EXTL3: variants seen among roughly 807,000 people sequenced by gnomAD.
EXTL3 encodes the protein exostosin-like 3.
In EXTL3, 27 loss-of-function variants were observed where a neutral mutation model predicts 69.3. The ratio of observed to expected loss-of-function variants is 0.39; its 90% CI spans 0.29 to 0.54. The LOEUF (loss-of-function observed/expected upper bound fraction) is 0.54. Ranked by LOEUF, EXTL3 falls within the 20% of genes least tolerant of loss-of-function variation. The pLI is 0.69. For missense variants in EXTL3, 1,003 were observed against 1,231.8 expected (o/e 0.81, Z 2.78); for synonymous variants, 511 against 499.4 (o/e 1.02, Z -0.31).
chr8:28,617,724 G>A (rs1019795279), intron 2 of EXTL3, among the ~76,000 whole-genome samples: 9 of 152,206 alleles, frequency 5.9e-5, no homozygotes, highest in Non-Finnish European at 1.2e-4. Context: ...AATGGAGACT[G>A]CAGTGAGATA....
chr8:28,710,235 G>A (rs1196777445), intron 1 of EXTL3: 1 of 326,686 alleles, frequency 3.1e-6, no homozygotes, highest in Non-Finnish European at 6.0e-6. Context: ...AGGATTATCA[G>A]GAGGGAGGTG....
chr8:28,619,297 A>C (rs1312485784), upstream of EXTL3, among the ~76,000 whole-genome samples: 43 of 72,018 alleles, frequency 6.0e-4, no homozygotes, highest in Admixed American at 1.4e-3. Flanking sequence ...AAAAAAAAAA[A>C]AAAAAAAAAA....
At position 28,743,220 on chromosome 8, in the gene EXTL3, G is replaced by A. The variant is rs1182422178; in HGVS notation, c.2550+6G>A. ...CTCGGAAGCCCCCCATCAAGGTGAG[G>A]TCCCACCACTGGTGGGGCTGTGGAT... On this transcript the variant is annotated splice_donor_region_variant and intron_variant, in intron 6 of 6. Coordinates refer to ENST00000220562, the MANE Select transcript of EXTL3 (RefSeq NM_001440.4). 3 of 1,614,064 alleles carry A rather than the reference G, an allele frequency of 1.9e-6. No homozygotes were observed. The highest frequency in any genetic ancestry group is 2.7e-5 in the African/African-American group (2 of 74,920).
chr8:28,704,257 C>G (rs1044059826), intron 1 of EXTL3, among the ~76,000 whole-genome samples: 3 of 152,230 alleles, frequency 2.0e-5, no homozygotes, highest in African/African-American at 7.2e-5. Flanking sequence ...CATCAAAAGT[C>G]TAGAAGTGGA....
At chr8:28,710,044 GA>G (rs1222880979) in intron 1 of EXTL3, among the ~76,000 whole-genome samples, 8 of 152,212 alleles carry the variant, frequency 5.3e-5, no homozygotes, top group African/African-American at 1.7e-4. Flanking sequence ...TCTGATTAGG[GA>G]AAAGAGTAAA....
chr8:28,722,932 A>G lies in EXTL3; in HGVS notation c.2148+4725A>G, dbSNP rs1007186015. ...GGGGAGTTATTTTCATCCTCTCCCC[A>G]GTAGTCTATTAGGGAAAAGGGAAGA... On this transcript the variant is annotated intron_variant, in intron 3 of 6. Transcript: ENST00000220562. Among the ~76,000 whole-genome samples, 134 of 152,158 alleles carry G rather than the reference A, an allele frequency of 8.8e-4. 1 individual carries two copies. Among genetic ancestry groups the G allele is most frequent in the African/African-American group, 3.0e-3 (125 of 41,500 alleles).
chr8:28,716,522 C>G lies in EXTL3; in HGVS notation c.463C>G (p.Leu155Val), dbSNP rs1801151334. The G allele has an allele frequency of 4.3e-6, 7 of 1,613,984 alleles. No homozygotes were observed. The highest frequency in any genetic ancestry group is 5.9e-6 in the Non-Finnish European group (7 of 1,180,064). ...GGCCCAGAACCAGCCCAAGCTGTCC[C>G]TGCCCATCCGACTGCTCCCAGAGAA... is the stretch of plus-strand genomic sequence containing the variant. ...LMAQNQPKLSLPIRLLPEKDD... is the reference protein window; with the variant it reads ...LMAQNQPKLSVPIRLLPEKDD... The change falls in exon 3 of 7, where the codon CTG (leucine) becomes GTG (valine). Residue 155 changes from leucine to valine, a missense_variant. This residue lies in a region of EXTL3 where 742 missense variants were observed against 815.4 expected (regional missense o/e 0.91). Coordinates refer to ENST00000220562, the MANE Select transcript of EXTL3 (RefSeq NM_001440.4). This position sits in a 1 kb window ranked among gnomAD's most constrained non-coding sequence, Gnocchi z 7.1.
At chr8:28,731,191 T>C (rs1801530731) in intron 3 of EXTL3, 32 bp from the exon 4 acceptor site, 1 of 1,614,094 alleles carries the variant, frequency 6.2e-7, no homozygotes, top group East Asian at 2.2e-5. Context: ...AACACAGCCT[T>C]AATTTTTAAT....
intron 1 of EXTL3, among the ~76,000 whole-genome samples, chr8:28,681,257 G>A (rs1413441847): frequency 1.3e-5 from 2 of 151,692 alleles, no homozygotes; most frequent in East Asian, 2.0e-4. Flanking sequence ...GCTCACGCCT[G>A]TAATCCCAGC....
intron 2 of EXTL3, among the ~76,000 whole-genome samples, chr8:28,608,721 G>A (rs1017027976): frequency 3.3e-5 from 5 of 151,816 alleles, no homozygotes; most frequent in Non-Finnish European, 7.4e-5. Context: ...AAACTTAGCC[G>A]GTCCTGGTGG....
chr8:28,715,173 A>G (rs1217388934), intron 2 of EXTL3, among the ~76,000 whole-genome samples: 2 of 152,250 alleles, frequency 1.3e-5, no homozygotes, highest in Non-Finnish European at 2.9e-5. Context: ...CTTATAGGTT[A>G]GGAATAAACA....
In EXTL3 at chr8:28,729,317, C is replaced by CAAAAA. The variant is rs1801482657; in HGVS notation, c.2149-1906_2149-1905insAAAAA. Reference sequence around the variant, plus strand: ...CAAAAAAAAAAAAAAAAAAAAATGTCTGGGTGCAGTGGCTCGTGCCTGTAG... The same window carrying CAAAAA: ...CAAAAAAAAAAAAAAAAAAAAATGTCAAAAATGGGTGCAGTGGCTCGTGCCTGTAG... On this transcript the variant is annotated intron_variant, in intron 3 of 6. Coordinates refer to ENST00000220562, the MANE Select transcript of EXTL3 (RefSeq NM_001440.4). Among the ~76,000 whole-genome samples, 12 of 110,390 alleles carry CAAAAA rather than the reference C, an allele frequency of 1.1e-4. No individual in the cohort carries two copies. The South Asian group carries it at 3.4e-3, about 31-fold the overall frequency. The allele number at this position is 110,390 out of a possible 152,430, so 72.4% of individuals were successfully genotyped here. A position where few individuals can be genotyped will look rare whatever the true frequency, so the allele number is the denominator to read the frequency against.
chr8:28,729,424 G>A (rs924385185), intron 3 of EXTL3, among the ~76,000 whole-genome samples: 7 of 149,186 alleles, frequency 4.7e-5, no homozygotes, highest in African/African-American at 1.5e-4. Flanking sequence ...GTGAAACCCC[G>A]TCTCTACTAA....
intron 1 of EXTL3, among the ~76,000 whole-genome samples, chr8:28,685,278 T>A (rs961183592): frequency 1.3e-5 from 2 of 152,088 alleles, no homozygotes; most frequent in African/African-American, 4.8e-5. Context: ...CAGTTTTTTT[T>A]AATGCCAATT....
At position 28,716,194 on chromosome 8, in the gene EXTL3, C is replaced by T. The variant is rs910806899; in HGVS notation, c.135C>T (p.Leu45=). Residue 45 remains leucine, a synonymous_variant, in exon 3 of 7, where the codon CTC becomes CTT. Coordinates refer to ENST00000220562, the MANE Select transcript of EXTL3 (RefSeq NM_001440.4). This position sits in a 1 kb window ranked among gnomAD's most constrained non-coding sequence, Gnocchi z 7.1. ...TLFVILVFFP[L]IAHYYLTTLD... is the part of the protein sequence containing the mutation. ...TTGTCATCCTGGTCTTCTTCCCGCTCATCGCCCACTATTACCTCACCACTC... is the reference window on the plus strand; with the variant it reads ...TTGTCATCCTGGTCTTCTTCCCGCTTATCGCCCACTATTACCTCACCACTC... 3.7e-6 allele frequency: 6 copies of T among 1,614,222 alleles called. No homozygotes were observed. Among genetic ancestry groups the T allele is most frequent in the East Asian group, 2.2e-5 (1 of 44,880 alleles).
At chr8:28,675,372 G>A (rs1807364419) in intron 1 of EXTL3, among the ~76,000 whole-genome samples, 1 of 152,168 alleles carries the variant, frequency 6.6e-6, no homozygotes, top group South Asian at 2.1e-4. Context: ...GTCTACAAAT[G>A]TAATCATGTA....
At chr8:28,622,510 C>T (rs974191585), upstream of EXTL3, among the ~76,000 whole-genome samples, 1 of 145,206 alleles carries the variant, frequency 6.9e-6, no homozygotes, top group Non-Finnish European at 1.5e-5. Context: ...CGGGAGCCGG[C>T]GAGGGCGGGG....
At chr8:28,727,856 G>A (rs537214864) in intron 3 of EXTL3, among the ~76,000 whole-genome samples, 4 of 152,272 alleles carry the variant, frequency 2.6e-5, no homozygotes, top group South Asian at 2.1e-4. Flanking sequence ...TACAGGCTCC[G>A]GTGGTGTGTG....
At chr8:28,643,917 C>T (rs2130589766) in intron 1 of EXTL3, among the ~76,000 whole-genome samples, 1 of 152,158 alleles carries the variant, frequency 6.6e-6, no homozygotes, top group South Asian at 2.1e-4. Flanking sequence ...AGGTGGGCAC[C>T]ACCACGCCTA....
Sources: gnomAD v4.1 joint callset for allele counts (sites outside exome capture counted in the v4.1 genomes callset) on GRCh38, gnomAD v4.1.1 for gene constraint, gnomAD v4.1.1 regional missense constraint, Gnocchi (gnomAD v3.1) non-coding constraint, MANE v1.5 for transcripts, NCBI Gene and HGNC (gene_info 2026-07-23, HGNC 2026-07-21) for gene names.